GRIK4: variants seen among roughly 807,000 people sequenced by gnomAD.
GRIK4 encodes the protein glutamate receptor ionotropic, kainate 4.
Under a neutral mutation model 104.9 loss-of-function variants are expected in GRIK4, and 40 were observed. The observed-to-expected ratio is 0.38, with a 90% CI of 0.30 to 0.50. The LOEUF (loss-of-function observed/expected upper bound fraction) is 0.50, where lower values mean the gene tolerates loss of function less well. Among genes scored for constraint, GRIK4 ranks in the 20% least tolerant of loss-of-function variants. The probability of loss-of-function intolerance (pLI) is 0.93; values close to 1 mark genes in which losing one functional copy is unlikely to be tolerated. For missense variants in GRIK4, 1,047 were observed against 1,308.1 expected, an observed-to-expected ratio of 0.80 and a Z score of 3.08; for synonymous variants, 485 against 524.9, an observed-to-expected ratio of 0.92 and a Z score of 1.04.
rs913050487 is a variant in GRIK4, at chr11:120,899,456, C to T, written c.1272+817C>T. Among the ~76,000 whole-genome samples the T allele has an allele frequency of 4.0e-5, 6 of 151,260 alleles. No homozygotes were observed. The East Asian group carries it at 7.8e-4, about 20-fold the overall frequency. ...AAAAAAAAAAATACAGGGCAAGAGA[C>T]CATGTGCCCTTTTTTATTTGATTCT... is the stretch of plus-strand genomic sequence containing the variant. On this transcript the variant is annotated intron_variant, in intron 12 of 20. Transcript: ENST00000527524.
At chr11:120,823,370 A>G (rs1375242732) in intron 6 of GRIK4, among the ~76,000 whole-genome samples, 3 of 152,192 alleles carry the variant, frequency 2.0e-5, no homozygotes, top group Admixed American at 6.5e-5. Context: ...GGCTCTTCCC[A>G]TTAGAATTAT....
chr11:120,701,927 A>G (rs909654321), intron 3 of GRIK4, among the ~76,000 whole-genome samples: 11 of 149,720 alleles, frequency 7.3e-5, no homozygotes, highest in Non-Finnish European at 1.3e-4. Flanking sequence ...TGTGTAAGAG[A>G]GACAGATCAA....
chr11:120,648,299 A>T (rs975399264), intron 1 of GRIK4, among the ~76,000 whole-genome samples: 48 of 152,150 alleles, frequency 3.2e-4, no homozygotes, highest in African/African-American at 1.2e-3. Context: ...TCTCTTCTGT[A>T]AACTGTGTCA....
chr11:120,578,283 T>C (rs11602075), intron 1 of GRIK4, among the ~76,000 whole-genome samples: 49,434 of 151,966 alleles, frequency 0.33, 9,806 homozygotes, highest in Non-Finnish European at 0.45. Flanking sequence ...GGGCACAGCC[T>C]AGGGAGAGGA....
At chr11:120,642,255 C>G (rs1417501337) in intron 1 of GRIK4, among the ~76,000 whole-genome samples, 1 of 152,144 alleles carries the variant, frequency 6.6e-6, no homozygotes, top group Non-Finnish European at 1.5e-5. Context: ...GGCTTGAGCC[C>G]AGGAGGTCCA....
intron 1 of GRIK4, among the ~76,000 whole-genome samples, chr11:120,558,869 A>T (rs113924571): frequency 0.012 from 1,761 of 151,656 alleles, 35 homozygotes; most frequent in African/African-American, 0.038. Flanking sequence ...CTTGTGTCTT[A>T]CTCTTTTTTT....
Position 120,549,053 on chromosome 11 carries a change from G to A in GRIK4, c.-159+37166G>A, listed in dbSNP as rs1948114108. Among the ~76,000 whole-genome samples the A allele has an allele frequency of 6.6e-6, 1 of 152,056 alleles. No homozygotes were observed. Among genetic ancestry groups the A allele is most frequent in the South Asian group, 2.1e-4 (1 of 4,830 alleles). On this transcript the variant is annotated intron_variant, in intron 1 of 20. Coordinates refer to ENST00000527524, the MANE Select transcript of GRIK4 (RefSeq NM_014619.5). This position sits in a 1 kb window ranked among gnomAD's most constrained non-coding sequence, Gnocchi z 4.7. ...CCCTCTTCCTGGCTTTGTCATCCCAGGCAGCTGTGGTATGAAGGGGGCTCT... is the reference window on the plus strand; with the variant it reads ...CCCTCTTCCTGGCTTTGTCATCCCAAGCAGCTGTGGTATGAAGGGGGCTCT...
intron 6 of GRIK4, among the ~76,000 whole-genome samples, chr11:120,830,661 C>T (rs754899162): frequency 1.3e-5 from 2 of 152,154 alleles, no homozygotes; most frequent in Non-Finnish European, 2.9e-5. Context: ...CGATTCTCCT[C>T]TGTGCTGGGG....
intron 18 of GRIK4, among the ~76,000 whole-genome samples, chr11:120,964,653 AAGAT>A (rs1386001008): frequency 6.6e-6 from 1 of 152,238 alleles, no homozygotes; most frequent in African/African-American, 2.4e-5. Context: ...GAGTTGGGGT[AAGAT>A]AGACCACAAC....
At chr11:120,653,231 C>A (rs982514807) in intron 1 of GRIK4, among the ~76,000 whole-genome samples, 1 of 152,220 alleles carries the variant, frequency 6.6e-6, no homozygotes, top group Non-Finnish European at 1.5e-5. Context: ...AGCATGGAAC[C>A]AGGGGGCCAG....
At chr11:120,974,215 C>CT (rs1308781834) in intron 19 of GRIK4, among the ~76,000 whole-genome samples, 1 of 152,200 alleles carries the variant, frequency 6.6e-6, no homozygotes, top group Non-Finnish European at 1.5e-5. Flanking sequence ...GGCTTTAAGT[C>CT]TTTAAGTGTT....
chr11:120,985,741 G>A (rs1358350227), intron 20 of GRIK4, among the ~76,000 whole-genome samples, 163 bp from the exon 21 acceptor site: 1 of 152,102 alleles, frequency 6.6e-6, no homozygotes, highest in Non-Finnish European at 1.5e-5. Context: ...ACATTAAATG[G>A]GAGTGGAGTG....
chr11:120,786,198 C>T (rs529990281), intron 3 of GRIK4, among the ~76,000 whole-genome samples: 63 of 152,314 alleles, frequency 4.1e-4, no homozygotes, highest in Middle Eastern at 3.4e-3. Flanking sequence ...GCCTCCCTTC[C>T]GGTGGCCTTC....
chr11:120,515,709 A>C (rs145993883), intron 1 of GRIK4, among the ~76,000 whole-genome samples: 1 of 152,338 alleles, frequency 6.6e-6, no homozygotes, highest in East Asian at 1.9e-4. Context: ...CCCTCTTCAT[A>C]GTAAGGACAT....
At chr11:120,869,342 C>T (rs1253828461) in intron 9 of GRIK4, 1 of 152,322 alleles carries the variant, frequency 6.6e-6, no homozygotes, top group Non-Finnish European at 1.5e-5. Context: ...AAGCCCAGAG[C>T]CTACGGGGGA....
intron 13 of GRIK4, among the ~76,000 whole-genome samples, chr11:120,935,108 T>G (rs1943568757): frequency 6.6e-6 from 1 of 152,210 alleles, no homozygotes; most frequent in South Asian, 2.1e-4. Context: ...ATGTAAGCGC[T>G]GTCTCTTCTA....
intron 9 of GRIK4, chr11:120,871,745 A>G (rs537403235): frequency 6.6e-6 from 3 of 456,328 alleles, no homozygotes; most frequent in African/African-American, 6.0e-5. Flanking sequence ...GTGGCTGAAT[A>G]AAAGTGGGAA....
rs1431445908 is a variant in GRIK4, at chr11:120,843,084, T to C, written c.744+6240T>C. On this transcript the variant is annotated intron_variant, in intron 8 of 20. Coordinates refer to ENST00000527524, the MANE Select transcript of GRIK4 (RefSeq NM_014619.5). ...AGAGAGAAGTGTTGAGATTTAAGGG[T>C]AAAGGTCAAAAGTCAGGGACTGCCA... 2.6e-5 allele frequency among the ~76,000 whole-genome samples: 4 copies of C among 152,242 alleles called. No homozygotes were observed. In the East Asian group the frequency reaches 7.7e-4, roughly 29 times the overall value.
rs1591361482 is a variant in GRIK4, at chr11:120,986,303, G to C, written c.*43G>C. The C allele has an allele frequency of 4.0e-6, 4 of 1,001,044 alleles. No individual in the cohort carries two copies. The highest frequency in any genetic ancestry group is 3.3e-5 in the South Asian group (2 of 61,090). 62.0% of individuals were successfully genotyped at this position (1,001,044 alleles called of 1,614,324 possible). ...CGCGCAGAGGCCGGGCGGGGCGGGA[G>C]GGGAGGGGCGGGGCGGGCGCTGCTG... On this transcript the variant is annotated 3_prime_UTR_variant, in exon 21 of 21. Coordinates refer to ENST00000527524, the MANE Select transcript of GRIK4 (RefSeq NM_014619.5).
Sources: gnomAD v4.1 joint callset for allele counts (sites outside exome capture counted in the v4.1 genomes callset) on GRCh38, gnomAD v4.1.1 for gene constraint, Gnocchi (gnomAD v3.1) non-coding constraint, MANE v1.5 for transcripts, NCBI Gene and HGNC (gene_info 2026-07-23, HGNC 2026-07-21) for gene names.